The following SLC17A9 variants were observed in gnomAD, a reference collection of about 807,000 sequenced individuals.
SLC17A9 encodes solute carrier family 17 member 9, also known as voltage-gated purine nucleotide uniporter SLC17A9.
A neutral mutation model predicts 55.0 loss-of-function variants in SLC17A9; 49 were observed. The ratio of observed to expected loss-of-function variants is 0.89; its 90% CI spans 0.71 to 1.13. The LOEUF is 1.13. Ranked by LOEUF, SLC17A9 falls within the 50% of genes most tolerant of loss-of-function variation. SLC17A9 has a pLI of 0.00. For synonymous variants in SLC17A9, 256 were observed against 247.4 expected (o/e 1.03, Z -0.32); for missense variants, 526 against 569.3 (o/e 0.92, Z 0.77).
intron 1 of SLC17A9, chr20:62,953,235 A>C (rs1481340854): frequency 5.8e-6 from 9 of 1,550,166 alleles, no homozygotes; most frequent in Non-Finnish European, 7.8e-6. Flanking sequence ...TGTATGCATG[A>C]CCCTGACAAG....
intron 1 of SLC17A9, among the ~76,000 whole-genome samples, chr20:62,954,267 C>T (rs575959998): frequency 3.7e-4 from 57 of 152,344 alleles, no homozygotes; most frequent in African/African-American, 1.3e-3. Flanking sequence ...GCCACACGCA[C>T]GCCTTTTCCT....
At chr20:62,955,349 T>C (rs1471415414) in intron 1 of SLC17A9, among the ~76,000 whole-genome samples, 1 of 152,172 alleles carries the variant, frequency 6.6e-6, no homozygotes, top group Admixed American at 6.5e-5. Flanking sequence ...GGTTTCACCA[T>C]GTGGGCGAGG....
chr20:62,952,823 C>T lies in SLC17A9; in HGVS notation c.-8C>T, dbSNP rs1008817519. On this transcript the variant is annotated 5_prime_UTR_variant, in exon 1 of 13. Coordinates refer to ENST00000370351, the MANE Select transcript of SLC17A9 (RefSeq NM_022082.4). ...CTGTGCCCACGCCGTCTGAGCACCCCAAGCCCGATGCAGCCACCCCCAGAC... is the reference window on the plus strand; with the variant it reads ...CTGTGCCCACGCCGTCTGAGCACCCTAAGCCCGATGCAGCCACCCCCAGAC... The T allele has an allele frequency of 6.5e-7, 1 of 1,533,522 alleles. No individual in the cohort carries two copies. Among genetic ancestry groups the T allele is most frequent in the Non-Finnish European group, 8.7e-7 (1 of 1,145,202 alleles). The allele number at this position is 1,533,522 out of a possible 1,614,324, so 95.0% of individuals were successfully genotyped here.
At position 62,955,034 on chromosome 20, in the gene SLC17A9, C is replaced by T. The variant is rs565589905; in HGVS notation, c.60-1731C>T. On this transcript the variant is annotated intron_variant, in intron 1 of 12. Transcript: ENST00000370351. ...AGAGTGCAGTGGTGCAATCTCGGCT[C>T]ACTGCAACCTCGACCTCCTGGGCTC... Among the ~76,000 whole-genome samples, 11 of 152,284 alleles carry T rather than the reference C, an allele frequency of 7.2e-5. No homozygotes were observed. The East Asian group carries it at 2.1e-3, about 29-fold the overall frequency.
At position 62,962,801 on chromosome 20, in the gene SLC17A9, G is replaced by C. The variant is rs750150684; in HGVS notation, c.628+47G>C. On this transcript the variant is annotated intron_variant, in intron 5 of 12. Coordinates refer to ENST00000370351, the MANE Select transcript of SLC17A9 (RefSeq NM_022082.4). This position sits in a 1 kb window ranked among gnomAD's most constrained non-coding sequence, Gnocchi z 5.5. ...AGTCCCGGGCGCCCACAGCTGCCCAGTGCCTCCTCCCCTGGTGGCAGCCGC... is the reference window on the plus strand; with the variant it reads ...AGTCCCGGGCGCCCACAGCTGCCCACTGCCTCCTCCCCTGGTGGCAGCCGC... The C allele has an allele frequency of 1.9e-6, 3 of 1,605,836 alleles. No individual in the cohort carries two copies. The highest frequency in any genetic ancestry group is 2.2e-5 in the South Asian group (2 of 90,240).
chr20:62,954,570 C>A (rs2065519829), intron 1 of SLC17A9, among the ~76,000 whole-genome samples: 1 of 152,176 alleles, frequency 6.6e-6, no homozygotes, highest in African/African-American at 2.4e-5. Flanking sequence ...TGGCACACCC[C>A]CCGTCCCCCG....
At position 62,969,513 on chromosome 20, in the gene SLC17A9, G is replaced by A. The variant is rs1046108988; in HGVS notation, c.*2013G>A. 1.3e-5 allele frequency: 2 copies of A among 152,050 alleles called. No homozygotes were observed. Among genetic ancestry groups the A allele is most frequent in the Admixed American group, 6.5e-5 (1 of 15,280 alleles). The allele number at this position is 152,050 out of a possible 1,614,324, so 9.4% of individuals were successfully genotyped here. A position where few individuals can be genotyped will look rare whatever the true frequency, so the allele number is the denominator to read the frequency against. Reference sequence around the variant, plus strand: ...TACTTCACTCAGCAGAGTGTCCTTCGGTTTTATCAGTTTTGTCACAAGTGT... The same window carrying A: ...TACTTCACTCAGCAGAGTGTCCTTCAGTTTTATCAGTTTTGTCACAAGTGT... On this transcript the variant is annotated 3_prime_UTR_variant, in exon 13 of 13. Transcript: ENST00000370351.
chr20:62,964,140 C>T, intron 7 of SLC17A9, 88 bp from the exon 8 acceptor site: 1 of 1,332,682 alleles, frequency 7.5e-7, no homozygotes. Flanking sequence ...CAGTGGTGGG[C>T]ACGGGGGCGC....
chr20:62,957,202 G>T, intron 2 of SLC17A9: 1 of 985,414 alleles, frequency 1.0e-6, no homozygotes, highest in Middle Eastern at 5.2e-4. Context: ...GAAGATGGGA[G>T]CTGGGAGGGG....
At chr20:62,957,816 T>G in intron 3 of SLC17A9, among the ~76,000 whole-genome samples, 1 of 114,750 alleles carries the variant, frequency 8.7e-6, no homozygotes, top group Non-Finnish European at 1.9e-5. Context: ...CAAGTGTGTG[T>G]GTATGGGCAT....
Position 62,965,695 on chromosome 20 carries a change from C to A in SLC17A9, c.1031C>A (p.Ala344Asp). Residue 344 changes from alanine to aspartate, a missense_variant, in exon 10 of 13, where the codon GCC becomes GAC. Coordinates refer to ENST00000370351, the MANE Select transcript of SLC17A9 (RefSeq NM_022082.4). ...TGTGAGTCTGTGGTCTTTGCATCAG[C>A]CTCCATCGGCCTCCAGACCTTCAAC... is the stretch of plus-strand genomic sequence containing the variant. ...SFCESVVFAS[A>D]SIGLQTFNHS... 6.2e-7 allele frequency: 1 copy of A among 1,613,930 alleles called. No homozygotes were observed. Among genetic ancestry groups the A allele is most frequent in the East Asian group, 2.2e-5 (1 of 44,878 alleles).
At chr20:62,960,924 G>A (rs757927061) in intron 4 of SLC17A9, among the ~76,000 whole-genome samples, 1 of 152,240 alleles carries the variant, frequency 6.6e-6, no homozygotes. Context: ...GCCAGATGCC[G>A]TCCCCACCAT....
intron 1 of SLC17A9, chr20:62,953,366 G>T: frequency 1.4e-6 from 2 of 1,431,456 alleles, no homozygotes; most frequent in Non-Finnish European, 1.9e-6. Context: ...GCTCCCCGCT[G>T]GCTTCAGCTC....
rs369829765 is a variant in SLC17A9, at chr20:62,963,480, A to G, written c.726-104A>G. On this transcript the variant is annotated intron_variant, in intron 6 of 12. Coordinates refer to ENST00000370351, the MANE Select transcript of SLC17A9 (RefSeq NM_022082.4). Reference sequence around the variant, plus strand: ...TGAGCCAGCAGGGCCTAGGGCTCAGAGAAGTGGGACTCTGGCCCCCAGGGG... The same window carrying G: ...TGAGCCAGCAGGGCCTAGGGCTCAGGGAAGTGGGACTCTGGCCCCCAGGGG... The G allele has an allele frequency of 4.4e-5, 67 of 1,507,984 alleles. No individual in the cohort carries two copies. In the African/African-American group the frequency reaches 7.6e-4, roughly 17 times the overall value. 93.4% of individuals were successfully genotyped at this position (1,507,984 alleles called of 1,614,324 possible).
At chr20:62,966,433 G>C in intron 10 of SLC17A9, 92 bp from the exon 11 acceptor site, 1 of 1,439,294 alleles carries the variant, frequency 6.9e-7, no homozygotes. Flanking sequence ...GTGGCTCCAC[G>C]AGACCTTGCT....
intron 3 of SLC17A9, among the ~76,000 whole-genome samples, chr20:62,957,846 CCT>C (rs1491421853): frequency 8.3e-6 from 1 of 120,870 alleles, no homozygotes; most frequent in Admixed American, 8.6e-5. Flanking sequence ...CATGCGTGCA[CCT>C]GTGCGTGTGC....
chr20:62,967,407 T>C lies in SLC17A9; in HGVS notation c.1218T>C (p.Leu406=). 6.2e-7 allele frequency: 1 copy of C among 1,614,164 alleles called. No individual in the cohort carries two copies. Among genetic ancestry groups the C allele is most frequent in the Non-Finnish European group, 8.5e-7 (1 of 1,180,028 alleles). The change falls in exon 13 of 13, where the codon CTT becomes CTC. Residue 406 remains leucine (L), a synonymous_variant. Transcript: ENST00000370351. The part of the protein sequence containing the change: ...TTGSWTCLFN[L]VAIISNLGLC... The stretch of plus-strand genomic sequence containing the variant: ...GCTCCTGGACTTGCCTGTTCAACCT[T>C]GTGGCCATCATCAGCAACCTGGGGC...
intron 10 of SLC17A9, 118 bp downstream of exon 10, chr20:62,965,843 T>C: frequency 1.1e-6 from 1 of 935,884 alleles, no homozygotes; most frequent in South Asian, 1.5e-5. Flanking sequence ...CTTCACCCCC[T>C]TCCCAAGCTG....
chr20:62,957,032 G>C, intron 2 of SLC17A9, 70 bp downstream of exon 2: 5 of 1,597,188 alleles, frequency 3.1e-6, no homozygotes, highest in Non-Finnish European at 4.3e-6. Flanking sequence ...GGGCGAGTGG[G>C]CTGGCTGTGC....
Sources: gnomAD v4.1 joint callset for allele counts (sites outside exome capture counted in the v4.1 genomes callset) on GRCh38, gnomAD v4.1.1 for gene constraint, Gnocchi (gnomAD v3.1) non-coding constraint, MANE v1.5 for transcripts, NCBI Gene and HGNC (gene_info 2026-07-23, HGNC 2026-07-21) for gene names.